CRHR2: variants seen among roughly 807,000 people sequenced by gnomAD.
The protein encoded by CRHR2 is corticotropin-releasing hormone receptor 2.
CRHR2 carries 53 observed loss-of-function variants against 57.9 expected under a neutral mutation model. The observed-to-expected ratio is 0.92, with a 90% confidence interval of 0.73 to 1.15. CRHR2 has a LOEUF of 1.15. Among genes scored for constraint, CRHR2 ranks in the 50% most tolerant of loss-of-function variants. The pLI is 0.00. For missense variants in CRHR2, 532 were observed against 542.6 expected (o/e 0.98, Z 0.19); for synonymous variants, 213 against 220.9 (o/e 0.96, Z 0.32).
intron 2 of CRHR2, among the ~76,000 whole-genome samples, chr7:30,668,897 C>G (rs978771587): frequency 6.6e-6 from 1 of 152,360 alleles, no homozygotes. Flanking sequence ...CCACCCCTAG[C>G]CATGGCGCCC....
intron 2 of CRHR2, 61 bp from the exon 3 acceptor site, chr7:30,667,374 C>G: frequency 1.4e-6 from 2 of 1,427,446 alleles, no homozygotes; most frequent in Non-Finnish European, 2.0e-6. Flanking sequence ...CCCTCCCTGG[C>G]TCCCTGGTGC....
At chr7:30,682,107 G>A in intron 1 of CRHR2, 67 bp from the exon 2 acceptor site, 1 of 1,536,234 alleles carries the variant, frequency 6.5e-7, no homozygotes, top group Non-Finnish European at 8.7e-7. Context: ...CTCGGAGCGC[G>A]GGGTCAGGGG....
intron 9 of CRHR2, 58 bp downstream of exon 9, chr7:30,655,869 G>T: frequency 3.1e-6 from 5 of 1,602,122 alleles, no homozygotes; most frequent in Non-Finnish European, 4.3e-6. Flanking sequence ...GAAGCAGGGG[G>T]ACGGCCCGAT....
rs1275763076 is a variant in CRHR2 at position 30,694,910 on chromosome 7, A to G, written c.-261+5034T>C. Among the ~76,000 whole-genome samples, 2 of 127,864 alleles carry G rather than the reference A, an allele frequency of 1.6e-5. 1 individual carries two copies. The highest frequency in any genetic ancestry group is 1.7e-4 in the Admixed American group (2 of 11,732). 83.9% of individuals were successfully genotyped at this position (127,864 alleles called of 152,430 possible). On this transcript the variant is annotated intron_variant, in intron 1 of 13. Transcript: ENST00000341843. ...GAGAGGGGATGATGAGGAGAGAAGA[A>G]GGGGTCAGAAAAGGGAGAGGGGGAG...
At chr7:30,674,641 C>T (rs1325449207) in intron 2 of CRHR2, among the ~76,000 whole-genome samples, 1 of 152,188 alleles carries the variant, frequency 6.6e-6, no homozygotes, top group Non-Finnish European at 1.5e-5. Flanking sequence ...CAGCAGCATC[C>T]CTCCAGGGGG....
upstream of CRHR2, among the ~76,000 whole-genome samples, chr7:30,686,129 A>G (rs942038849): frequency 2.6e-5 from 4 of 152,192 alleles, no homozygotes; most frequent in African/African-American, 2.4e-5. Context: ...ACCATTCGCT[A>G]TCTCTGTTCC....
intron 2 of CRHR2, among the ~76,000 whole-genome samples, chr7:30,677,213 G>C (rs62446874): frequency 0.082 from 12,424 of 151,844 alleles, 570 homozygotes; most frequent in Admixed American, 0.12. Flanking sequence ...GAGAGAGAGA[G>C]GTAGAAAATG....
upstream of CRHR2, chr7:30,682,542 G>A (rs1784760319): frequency 2.4e-6 from 3 of 1,233,114 alleles, no homozygotes; most frequent in African/African-American, 1.6e-5. Context: ...GCCGGGGGGC[G>A]GGGCCGGGCG....
chr7:30,655,881 ACCT>A (rs1178092030), intron 9 of CRHR2, 43 bp downstream of exon 9: 2 of 1,603,120 alleles, frequency 1.2e-6, no homozygotes, highest in Non-Finnish European at 1.7e-6. Context: ...CGGCCCGATG[ACCT>A]CCTCCTGTCC....
At chr7:30,679,551 C>T (rs1215492729) in intron 2 of CRHR2, among the ~76,000 whole-genome samples, 1 of 152,168 alleles carries the variant, frequency 6.6e-6, no homozygotes, top group African/African-American at 2.4e-5. Flanking sequence ...GTGGCAGATT[C>T]TCTGTGCTCA....
chr7:30,697,294 G>A (rs947203505), intron 1 of CRHR2, among the ~76,000 whole-genome samples: 1 of 152,314 alleles, frequency 6.6e-6, no homozygotes, highest in African/African-American at 2.4e-5. Flanking sequence ...TGAGACCCTG[G>A]GGGGTGTCTC....
upstream of CRHR2, among the ~76,000 whole-genome samples, chr7:30,685,829 A>T (rs570124972): frequency 6.6e-6 from 1 of 152,298 alleles, no homozygotes; most frequent in Non-Finnish European, 1.5e-5. Flanking sequence ...CATGGCAGAT[A>T]AAACGATGTT....
chr7:30,693,809 C>T (rs896881625), intron 1 of CRHR2, among the ~76,000 whole-genome samples: 2 of 152,144 alleles, frequency 1.3e-5, no homozygotes, highest in Non-Finnish European at 2.9e-5. Context: ...GTTGGGGTCC[C>T]CAGAGAAGTG....
chr7:30,658,628 C>T (rs1783879478), intron 8 of CRHR2, among the ~76,000 whole-genome samples: 1 of 152,194 alleles, frequency 6.6e-6, no homozygotes, highest in South Asian at 2.1e-4. Flanking sequence ...AGTTGCTTAA[C>T]CTCATGAGCT....
intron 1 of CRHR2, among the ~76,000 whole-genome samples, chr7:30,694,174 C>A (rs1785012489): frequency 6.6e-6 from 1 of 152,238 alleles, no homozygotes; most frequent in South Asian, 2.1e-4. Flanking sequence ...TACATCCCCA[C>A]CCCTAATCCC....
At chr7:30,657,770 A>G (rs1189602749) in intron 8 of CRHR2, among the ~76,000 whole-genome samples, 3 of 151,854 alleles carry the variant, frequency 2.0e-5, no homozygotes, top group Non-Finnish European at 4.4e-5. Flanking sequence ...CCATCCGTCC[A>G]TCCATCCATC....
At position 30,653,747 on chromosome 7, in the gene CRHR2, T is replaced by G; in HGVS notation, c.1096-147A>C. The stretch of plus-strand genomic sequence containing the variant: ...GCTTCCAAAACAGGTCCTTCCCTGA[T>G]GCTGTTGCCTCTCTCCAGGGGCCTC... On this transcript the variant is annotated intron_variant, in intron 11 of 11. Transcript: ENST00000471646. The surrounding 1 kb of genome is among the most constrained non-coding windows in gnomAD (Gnocchi z 5.0). The G allele has an allele frequency of 1.0e-6, 1 of 955,714 alleles. No individual in the cohort carries two copies. The highest frequency in any genetic ancestry group is 2.7e-5 in the East Asian group (1 of 37,128). 59.2% of individuals were successfully genotyped at this position (955,714 alleles called of 1,614,324 possible).
chr7:30,662,732 T>A lies in CRHR2; in HGVS notation c.659A>T (p.Glu220Val). The part of the protein sequence containing the change: ...HTAIVMTYST[E>V]RLRKCLFLFI... The stretch of plus-strand genomic sequence containing the variant: ...GAGGAAGAGGCACTTGCGCAGGCGC[T>A]CAGTGGAGTAGGTCATGACAATGGC... Residue 220 changes from glutamate to valine, a missense_variant, in exon 6 of 12, where the codon GAG becomes GTG. By Grantham distance (121) the Glu-to-Val change is moderately radical (BLOSUM62 -2). Coordinates refer to ENST00000471646, the MANE Select transcript of CRHR2 (RefSeq NM_001883.5). 6.2e-7 allele frequency: 1 copy of A among 1,614,170 alleles called. No individual in the cohort carries two copies. The highest frequency in any genetic ancestry group is 8.5e-7 in the Non-Finnish European group (1 of 1,180,018).
upstream of CRHR2, chr7:30,686,268 C>A: frequency 7.6e-7 from 1 of 1,319,092 alleles, no homozygotes; most frequent in East Asian, 2.7e-5. Context: ...TATTCATTGT[C>A]TCATCTACCA....
Sources: allele counts gnomAD v4.1 joint callset (sites outside exome capture counted in the v4.1 genomes callset), GRCh38; gene constraint gnomAD v4.1.1; non-coding constraint Gnocchi (gnomAD v3.1); transcripts MANE v1.5; gene names NCBI Gene and HGNC (gene_info 2026-07-23, HGNC 2026-07-21).